The following GRM1 variants were observed in gnomAD, a reference collection of about 807,000 sequenced individuals.
GRM1 encodes the protein glutamate metabotropic receptor 1.
Under a neutral mutation model 90.9 loss-of-function variants are expected in GRM1, and 33 were observed. The ratio of observed to expected loss-of-function variants is 0.36; its 90% CI spans 0.28 to 0.49. GRM1 has a LOEUF of 0.49. GRM1 is among the 20% of genes least tolerant of loss of function. The pLI is 0.99. For synonymous variants in GRM1, 700 were observed against 613.2 expected (o/e 1.14, Z -2.09); for missense variants, 1,190 against 1,534.3 (o/e 0.78, Z 3.75).
rs533325835 is a variant in GRM1 at position 146,088,309 on chromosome 6, GT to G, written c.700+58096del. 1.5e-3 allele frequency among the ~76,000 whole-genome samples: 235 copies of G among 152,078 alleles called. 1 individual carries two copies. Among genetic ancestry groups the G allele is most frequent in the African/African-American group, 5.2e-3 (214 of 41,488 alleles). ...TTTGATTTTTGTTTTCTACTATTGA[GT>G]TTTGAGAGTTTGTTATATATTCTAA... On this transcript the variant is annotated intron_variant, in intron 1 of 7. Transcript: ENST00000282753.
intron 2 of GRM1, among the ~76,000 whole-genome samples, chr6:146,185,236 C>G (rs1316058718): frequency 6.6e-6 from 1 of 152,202 alleles, no homozygotes; most frequent in East Asian, 1.9e-4. Flanking sequence ...CTTCCTCTCA[C>G]AGTCCAATAT....
intron 1 of GRM1, among the ~76,000 whole-genome samples, chr6:146,134,058 G>T (rs952863320): frequency 6.6e-6 from 1 of 152,312 alleles, no homozygotes; most frequent in Non-Finnish European, 1.5e-5. Context: ...ACTTGGGCTT[G>T]CCCAGTGTTC....
intron 1 of GRM1, among the ~76,000 whole-genome samples, chr6:146,041,693 C>T (rs1791112993): frequency 6.6e-6 from 1 of 151,938 alleles, no homozygotes; most frequent in African/African-American, 2.4e-5. Context: ...CAATTTTTCA[C>T]TTCTCTGTGG....
At chr6:146,212,299 T>C (rs1779709804) in intron 2 of GRM1, among the ~76,000 whole-genome samples, 2 of 152,244 alleles carry the variant, frequency 1.3e-5, no homozygotes, top group South Asian at 4.1e-4. Flanking sequence ...AACTGATCCA[T>C]GTGAATAGCA....
At chr6:146,355,446 T>A (rs1785550052) in intron 4 of GRM1, among the ~76,000 whole-genome samples, 1 of 152,222 alleles carries the variant, frequency 6.6e-6, no homozygotes, top group African/African-American at 2.4e-5. Context: ...GGGTGTACCA[T>A]TCTCTCTTCT....
At chr6:146,187,738 C>CATATATAT (rs10656760) in intron 2 of GRM1, among the ~76,000 whole-genome samples, 1,876 of 148,486 alleles carry the variant, frequency 0.013, 65 homozygotes, top group East Asian at 0.086. Flanking sequence ...AGGCACAAAA[C>CATATATAT]ATATATATAT....
intron 1 of GRM1, among the ~76,000 whole-genome samples, chr6:146,043,800 T>TATATATATATATATATATATATATAG: frequency 7.0e-6 from 1 of 142,434 alleles, no homozygotes; most frequent in South Asian, 2.1e-4. Flanking sequence ...TATATATATA[T>TATATATATATATATATATATATATAG]ATATATATAT....
intron 2 of GRM1, among the ~76,000 whole-genome samples, chr6:146,262,294 G>GCTGAAAAAT (rs1474120548): frequency 2.0e-5 from 3 of 151,986 alleles, no homozygotes; most frequent in Non-Finnish European, 4.4e-5. Context: ...TTGACAACCT[G>GCTGAAAAAT]CTGAAAAATT....
intron 1 of GRM1, among the ~76,000 whole-genome samples, chr6:146,106,845 G>A (rs1465257452): frequency 6.6e-6 from 1 of 152,204 alleles, no homozygotes; most frequent in Admixed American, 6.5e-5. Flanking sequence ...AGGTGATGAG[G>A]CTGGGTAACT....
chr6:146,195,640 T>C (rs2114597202), intron 2 of GRM1, among the ~76,000 whole-genome samples: 1 of 152,322 alleles, frequency 6.6e-6, no homozygotes, highest in Middle Eastern at 3.4e-3. Flanking sequence ...AATTCTCTAA[T>C]ACAAATTTAC....
intron 1 of GRM1, among the ~76,000 whole-genome samples, chr6:146,142,872 C>G (rs1246981051): frequency 2.0e-5 from 3 of 152,148 alleles, no homozygotes; most frequent in African/African-American, 7.2e-5. Context: ...CACGAGCCTG[C>G]TTGGTACTCT....
At chr6:146,361,139 G>GT (rs1215064436) in intron 5 of GRM1, among the ~76,000 whole-genome samples, 1 of 152,218 alleles carries the variant, frequency 6.6e-6, no homozygotes. Context: ...AATGTGAGGA[G>GT]TGAGAGCCTA....
At chr6:146,265,890 A>T (rs1038779551) in intron 2 of GRM1, among the ~76,000 whole-genome samples, 9 of 152,030 alleles carry the variant, frequency 5.9e-5, no homozygotes, top group East Asian at 5.8e-4. Context: ...TTAACTATTT[A>T]AAAAAAATAC....
intron 2 of GRM1, among the ~76,000 whole-genome samples, chr6:146,241,436 G>A (rs573117549): frequency 6.6e-6 from 1 of 152,116 alleles, no homozygotes; most frequent in Admixed American, 6.6e-5. Flanking sequence ...TTGAATTGAA[G>A]ATCTTGGTAT....
intron 1 of GRM1, among the ~76,000 whole-genome samples, chr6:146,057,600 C>T (rs1436122899): frequency 6.6e-6 from 1 of 152,070 alleles, no homozygotes; most frequent in African/African-American, 2.4e-5. Context: ...CTCATTCAAA[C>T]ATAAGGAATA....
At position 146,418,258 on chromosome 6, in the gene GRM1, A is replaced by G. The variant is rs570552844; in HGVS notation, c.2661-15614A>G. 2.8e-4 allele frequency among the ~76,000 whole-genome samples: 42 copies of G among 152,216 alleles called. No individual in the cohort carries two copies. The South Asian group carries it at 8.5e-3, about 31-fold the overall frequency. The stretch of plus-strand genomic sequence containing the variant: ...TATCTTTTTTTAAGTGAAAGAAAAT[A>G]TGTATGCAGCCCCATATAGTATCTT... On this transcript the variant is annotated intron_variant, in intron 7 of 7. Transcript: ENST00000282753.
intron 2 of GRM1, among the ~76,000 whole-genome samples, chr6:146,206,504 CTTGA>C (rs1779498541): frequency 6.6e-6 from 1 of 152,070 alleles, no homozygotes; most frequent in East Asian, 1.9e-4. Context: ...TCTCAGGGAG[CTTGA>C]TTAAGAGGCA....
intron 1 of GRM1, among the ~76,000 whole-genome samples, chr6:146,049,699 CTAT>C (rs2128847320): frequency 6.7e-6 from 1 of 149,610 alleles, no homozygotes; most frequent in South Asian, 2.1e-4. Context: ...ATCTATCTAT[CTAT>C]CATCTCATGT....
intron 2 of GRM1, among the ~76,000 whole-genome samples, chr6:146,280,466 T>TG (rs1782526371): frequency 1.3e-5 from 2 of 152,210 alleles, no homozygotes; most frequent in South Asian, 4.1e-4. Flanking sequence ...ATAACCTAGT[T>TG]GTAAGGGGCA....
Sources: allele counts gnomAD v4.1 joint callset (sites outside exome capture counted in the v4.1 genomes callset), GRCh38; gene constraint gnomAD v4.1.1; transcripts MANE v1.5; gene names NCBI Gene and HGNC (gene_info 2026-07-23, HGNC 2026-07-21).